CRTAC1: variants seen among roughly 807,000 people sequenced by gnomAD.
CRTAC1 encodes acidic secreted protein in cartilage.
Under a neutral mutation model 67.8 loss-of-function variants are expected in CRTAC1, and 37 were observed. The ratio of observed to expected loss-of-function variants is 0.55; its 90% CI spans 0.42 to 0.72. The LOEUF is 0.72. CRTAC1 is among the 30% of genes least tolerant of loss of function. The pLI is 0.00. For synonymous variants in CRTAC1, 348 were observed against 371.0 expected (o/e 0.94, Z 0.71); for missense variants, 780 against 931.6 (o/e 0.84, Z 2.12).
chr10:97,889,320 C>T (rs998026770), intron 11 of CRTAC1, among the ~76,000 whole-genome samples: 12 of 151,892 alleles, frequency 7.9e-5, no homozygotes, highest in African/African-American at 2.4e-4. Context: ...GGGTGGGTTC[C>T]GAGCAACCAG....
At chr10:97,908,224 G>A in intron 5 of CRTAC1, 77 bp from the exon 6 acceptor site, 3 of 1,516,912 alleles carry the variant, frequency 2.0e-6, no homozygotes, top group Non-Finnish European at 2.7e-6. Flanking sequence ...TGCCTCTGAG[G>A]CCTGAGGGGA....
At chr10:97,929,981 G>C (rs1191255370) in intron 3 of CRTAC1, among the ~76,000 whole-genome samples, 1 of 152,232 alleles carries the variant, frequency 6.6e-6, no homozygotes, top group East Asian at 1.9e-4. Context: ...CTGGGTCCCT[G>C]ATGTAAATGC....
chr10:97,909,316 G>T (rs113912751), intron 5 of CRTAC1, among the ~76,000 whole-genome samples: 3 of 152,136 alleles, frequency 2.0e-5, no homozygotes, highest in Non-Finnish European at 2.9e-5. Flanking sequence ...GCCCCCAAAC[G>T]CTGGAAATAC....
intron 4 of CRTAC1, among the ~76,000 whole-genome samples, chr10:97,919,847 C>T (rs1304677950): frequency 1.4e-5 from 2 of 139,920 alleles, no homozygotes; most frequent in East Asian, 2.4e-4. Context: ...TCAAGTGATC[C>T]TCCCACTCCA....
intron 2 of CRTAC1, among the ~76,000 whole-genome samples, chr10:97,950,254 G>A (rs867478997): frequency 7.0e-6 from 1 of 142,660 alleles, no homozygotes; most frequent in Non-Finnish European, 1.6e-5. Context: ...CACAGAGAGA[G>A]AGAGAGAGAG....
At chr10:97,944,165 T>A (rs1464539525) in intron 2 of CRTAC1, among the ~76,000 whole-genome samples, 2 of 152,172 alleles carry the variant, frequency 1.3e-5, no homozygotes, top group Non-Finnish European at 2.9e-5. Flanking sequence ...CAGTGCCTCA[T>A]GCCTGTACTT....
intron 13 of CRTAC1, among the ~76,000 whole-genome samples, chr10:97,882,079 G>C (rs1423709619): frequency 1.3e-5 from 2 of 152,194 alleles, no homozygotes; most frequent in Non-Finnish European, 2.9e-5. Flanking sequence ...CTGTATCTCA[G>C]TAGCAAAGGG....
At chr10:97,878,565 G>C in intron 14 of CRTAC1, 1 of 1,270,158 alleles carries the variant, frequency 7.9e-7, no homozygotes, top group Non-Finnish European at 1.0e-6. Flanking sequence ...TTTATAACAA[G>C]CCTTCACTAC....
At chr10:97,905,832 C>G (rs975886264) in intron 6 of CRTAC1, among the ~76,000 whole-genome samples, 1 of 152,224 alleles carries the variant, frequency 6.6e-6, no homozygotes, top group Non-Finnish European at 1.5e-5. Flanking sequence ...CCTCTGTGCC[C>G]AATGCCACCT....
intron 5 of CRTAC1, among the ~76,000 whole-genome samples, chr10:97,917,152 C>G (rs2050770564): frequency 6.6e-6 from 1 of 152,230 alleles, no homozygotes; most frequent in Non-Finnish European, 1.5e-5. Flanking sequence ...CAGTTTTCTC[C>G]TACAGAACCT....
chr10:97,925,166 G>A (rs1204091709), intron 3 of CRTAC1, among the ~76,000 whole-genome samples: 1 of 152,234 alleles, frequency 6.6e-6, no homozygotes, highest in East Asian at 1.9e-4. Flanking sequence ...AGCTACTCAG[G>A]AGGCTGAAGC....
chr10:97,941,276 G>A (rs920191532), intron 2 of CRTAC1, among the ~76,000 whole-genome samples: 66 of 151,986 alleles, frequency 4.3e-4, no homozygotes, highest in Admixed American at 1.4e-3. Context: ...GGTTTCCTGC[G>A]CTCTCTCTGG....
intron 1 of CRTAC1, among the ~76,000 whole-genome samples, chr10:98,027,786 A>T (rs926953083): frequency 3.9e-5 from 6 of 152,254 alleles, no homozygotes; most frequent in African/African-American, 1.2e-4. Flanking sequence ...AAGCCTGGTC[A>T]GTCAATAACT....
rs754494433 is a variant in CRTAC1, at chr10:97,901,659, G to A, written c.997-20C>T. 3.7e-6 allele frequency: 6 copies of A among 1,613,792 alleles called. No individual in the cohort carries two copies. In the African/African-American group the frequency reaches 5.3e-5, roughly 14 times the overall value. On this transcript the variant is annotated intron_variant, in intron 7 of 14. Transcript: ENST00000370597. Reference sequence around the variant, plus strand: ...GATGTCCTGGAGGAAACAAGGCTGGGGGTCAGTGGCAGGAGAGTGGGCTGG... The same window carrying A: ...GATGTCCTGGAGGAAACAAGGCTGGAGGTCAGTGGCAGGAGAGTGGGCTGG...
At chr10:97,945,234 C>G (rs1301460466) in intron 2 of CRTAC1, among the ~76,000 whole-genome samples, 1 of 152,096 alleles carries the variant, frequency 6.6e-6, no homozygotes, top group Non-Finnish European at 1.5e-5. Flanking sequence ...TGTGTTGGTA[C>G]TTGGATCTGA....
intron 2 of CRTAC1, among the ~76,000 whole-genome samples, chr10:97,939,730 CT>C (rs1426863253): frequency 6.6e-6 from 1 of 152,134 alleles, no homozygotes; most frequent in Non-Finnish European, 1.5e-5. Flanking sequence ...GTGCTCTGCC[CT>C]TTCCAGCTCC....
intron 13 of CRTAC1, 40 bp downstream of exon 13, chr10:97,882,746 C>G (rs117188191): frequency 2.5e-5 from 41 of 1,609,210 alleles, no homozygotes; most frequent in Non-Finnish European, 3.5e-5. Context: ...AGGGAGATTC[C>G]GGCCTCTACC....
chr10:97,932,941 AG>A (rs1187521641), intron 3 of CRTAC1, among the ~76,000 whole-genome samples: 2 of 152,258 alleles, frequency 1.3e-5, no homozygotes, highest in East Asian at 3.8e-4. Flanking sequence ...GTTGGGATGC[AG>A]GGTGCTTGCC....
intron 2 of CRTAC1, among the ~76,000 whole-genome samples, chr10:97,959,405 G>A (rs1344535773): frequency 2.6e-5 from 4 of 152,178 alleles, no homozygotes; most frequent in African/African-American, 9.7e-5. Flanking sequence ...CTGAATGTGT[G>A]TCCTGAGCTA....
Sources: gnomAD v4.1 joint callset for allele counts (sites outside exome capture counted in the v4.1 genomes callset) on GRCh38, gnomAD v4.1.1 for gene constraint, MANE v1.5 for transcripts, NCBI Gene and HGNC (gene_info 2026-07-23, HGNC 2026-07-21) for gene names.